HSDL2: variants seen among roughly 807,000 people sequenced by gnomAD.
HSDL2 encodes hydroxysteroid dehydrogenase like 2.
A neutral mutation model predicts 46.3 loss-of-function variants in HSDL2; 27 were observed. That is an observed-to-expected ratio of 0.58 (90% confidence interval 0.43 to 0.80). The LOEUF is 0.80. Among genes scored for constraint, HSDL2 ranks in the 30% least tolerant of loss-of-function variants. The pLI, the probability that HSDL2 is intolerant of heterozygous loss-of-function variation, is 0.00. For synonymous variants in HSDL2, 153 were observed against 163.6 expected (o/e 0.94, Z 0.50); for missense variants, 451 against 502.7 (o/e 0.90, Z 0.98).
chr9:112,464,954 A>G (rs1564136574), intron 10 of HSDL2, among the ~76,000 whole-genome samples: 1 of 152,076 alleles, frequency 6.6e-6, no homozygotes, highest in Non-Finnish European at 1.5e-5. Flanking sequence ...TTCTATCTCT[A>G]TGGTTTTCCC....
At chr9:112,410,019 G>A (rs77473336) in intron 4 of HSDL2, among the ~76,000 whole-genome samples, 12,426 of 149,718 alleles carry the variant, frequency 0.083, 689 homozygotes, top group Non-Finnish European at 0.13. Flanking sequence ...AAGACCTGGC[G>A]TTAAAAAAAA....
At chr9:112,410,745 G>A (rs1030323743) in intron 4 of HSDL2, among the ~76,000 whole-genome samples, 7 of 152,168 alleles carry the variant, frequency 4.6e-5, no homozygotes, top group Admixed American at 6.6e-5. Flanking sequence ...TAGACAACAT[G>A]GCAAAACCCT....
intron 1 of HSDL2, among the ~76,000 whole-genome samples, chr9:112,391,809 G>A (rs765412719): frequency 1.3e-5 from 2 of 150,676 alleles, no homozygotes; most frequent in Admixed American, 6.7e-5. Flanking sequence ...GGAGGCTGAC[G>A]CACGAGAATC....
At chr9:112,449,914 C>G (rs1014229151) in intron 8 of HSDL2, among the ~76,000 whole-genome samples, 1 of 151,936 alleles carries the variant, frequency 6.6e-6, no homozygotes, top group Admixed American at 6.6e-5. Flanking sequence ...TGATTCCTTA[C>G]TTTTTTTACT....
At chr9:112,438,178 C>T (rs1376498823) in intron 6 of HSDL2, among the ~76,000 whole-genome samples, 3 of 152,132 alleles carry the variant, frequency 2.0e-5, no homozygotes, top group African/African-American at 7.2e-5. Context: ...GCAGAGGTTG[C>T]GGTGAGCGGA....
chr9:112,423,455 G>A (rs1288694758), intron 6 of HSDL2, among the ~76,000 whole-genome samples: 1 of 151,254 alleles, frequency 6.6e-6, no homozygotes. Context: ...GTTTACAGGC[G>A]TTTGCCACCA....
intron 9 of HSDL2, among the ~76,000 whole-genome samples, chr9:112,455,932 G>A (rs567969654): frequency 6.6e-6 from 1 of 152,280 alleles, no homozygotes; most frequent in South Asian, 2.1e-4. Context: ...AAGCTCTAAT[G>A]TCTATACCAA....
intron 1 of HSDL2, among the ~76,000 whole-genome samples, chr9:112,384,435 C>T (rs1403069066): frequency 2.8e-4 from 43 of 152,080 alleles, no homozygotes; most frequent in Admixed American, 2.8e-3. Context: ...GAAGAAAATG[C>T]CCTTTCTCCT....
intron 1 of HSDL2, among the ~76,000 whole-genome samples, chr9:112,385,489 T>G (rs1831197975): frequency 1.2e-5 from 1 of 80,342 alleles, no homozygotes; most frequent in South Asian, 6.3e-4. Flanking sequence ...CCACCACACC[T>G]GGCTAATTTT....
At chr9:112,429,649 T>G (rs1439638086) in intron 6 of HSDL2, among the ~76,000 whole-genome samples, 1 of 152,188 alleles carries the variant, frequency 6.6e-6, no homozygotes, top group Non-Finnish European at 1.5e-5. Flanking sequence ...ACTTATAGTC[T>G]AATTGGGAGA....
intron 9 of HSDL2, 86 bp from the exon 10 acceptor site, chr9:112,459,363 G>A (rs961959530): frequency 1.4e-6 from 2 of 1,429,992 alleles, no homozygotes; most frequent in African/African-American, 1.4e-5. Flanking sequence ...ACAGCATTTT[G>A]TAAGATTATT....
intron 8 of HSDL2, among the ~76,000 whole-genome samples, chr9:112,445,749 T>C (rs1832744196): frequency 6.6e-6 from 1 of 151,932 alleles, no homozygotes; most frequent in Non-Finnish European, 1.5e-5. Flanking sequence ...GTCTCAAACT[T>C]CTGACCTTGG....
intron 3 of HSDL2, 85 bp from the exon 4 acceptor site, chr9:112,408,822 A>T: frequency 3.0e-6 from 2 of 661,896 alleles, no homozygotes; most frequent in South Asian, 3.9e-5. Flanking sequence ...TTTGTGAATC[A>T]ACTGAGGGTT....
At chr9:112,399,201 T>C (rs7032244) in intron 1 of HSDL2, among the ~76,000 whole-genome samples, 72,295 of 151,978 alleles carry the variant, frequency 0.48, 17,577 homozygotes, top group Admixed American at 0.55. Flanking sequence ...ACAGCTGGGC[T>C]GCCGGGGGTG....
chr9:112,408,295 A>G lies in HSDL2; in HGVS notation c.281-612A>G, dbSNP rs57618195. Among the ~76,000 whole-genome samples, 608 of 152,218 alleles carry G rather than the reference A, an allele frequency of 4.0e-3. 5 individuals carry two copies. The highest frequency in any genetic ancestry group is 0.014 in the African/African-American group (586 of 41,512). On this transcript the variant is annotated intron_variant, in intron 3 of 10. Transcript: ENST00000398805. ...GGGAGGGACAACCAGGAGGTAAGAG[A>G]ACAGTTAAGAGTGGAAGCTACAAAC...
rs940714913 is a variant in HSDL2 at position 112,402,515 on chromosome 9, G to A, written c.18-1480G>A. Reference sequence around the variant, plus strand: ...CAAGGCTGCAGTGAGCCATGATTGCGCCACTGTACTCCAGCCTGGGTAACA... The same window carrying A: ...CAAGGCTGCAGTGAGCCATGATTGCACCACTGTACTCCAGCCTGGGTAACA... On this transcript the variant is annotated intron_variant, in intron 1 of 10. Transcript: ENST00000398805. 5.4e-5 allele frequency among the ~76,000 whole-genome samples: 8 copies of A among 148,970 alleles called. No individual in the cohort carries two copies. The Middle Eastern group carries it at 0.01, about 194-fold the overall frequency.
intron 6 of HSDL2, among the ~76,000 whole-genome samples, chr9:112,426,179 T>C (rs1311670225): frequency 6.6e-6 from 1 of 152,044 alleles, no homozygotes; most frequent in Non-Finnish European, 1.5e-5. Context: ...GGCTGGCAGT[T>C]TGCTCTTCTT....
At chr9:112,459,152 T>C (rs1477799366) in intron 9 of HSDL2, among the ~76,000 whole-genome samples, 1 of 152,192 alleles carries the variant, frequency 6.6e-6, no homozygotes, top group African/African-American at 2.4e-5. Context: ...TGTTCTACTT[T>C]CTGTCTTTAT....
At chr9:112,469,879 G>A (rs1833519958) in intron 10 of HSDL2, 1 of 152,004 alleles carries the variant, frequency 6.6e-6, no homozygotes, top group Non-Finnish European at 1.5e-5. Context: ...TTCTCTCCAT[G>A]GAGCTCATAT....
Sources: allele counts gnomAD v4.1 joint callset (sites outside exome capture counted in the v4.1 genomes callset), GRCh38; gene constraint gnomAD v4.1.1; transcripts MANE v1.5; gene names NCBI Gene and HGNC (gene_info 2026-07-23, HGNC 2026-07-21).